The following ZFHX3 variants were observed in gnomAD, a reference collection of about 807,000 sequenced individuals.
The protein encoded by ZFHX3 is zinc finger homeobox 3, also known as zinc finger homeobox protein 3.
In ZFHX3, 42 loss-of-function variants were observed where a neutral mutation model predicts 279.1. The observed-to-expected ratio is 0.15, with a 90% CI of 0.12 to 0.19. The LOEUF (loss-of-function observed/expected upper bound fraction) is 0.19, where lower values mean the gene tolerates loss of function less well. Among genes scored for constraint, ZFHX3 ranks in the 10% least tolerant of loss-of-function variants. The pLI is 1.00. For synonymous variants in ZFHX3, 2,293 were observed against 1,957.8 expected (o/e 1.17, Z -4.52); for missense variants, 4,981 against 4,754.0 (o/e 1.05, Z -1.40).
intron 7 of ZFHX3, among the ~76,000 whole-genome samples, chr16:72,805,171 G>T (rs2036226303): frequency 6.6e-6 from 1 of 151,678 alleles, no homozygotes; most frequent in African/African-American, 2.4e-5. Flanking sequence ...TAATAGAGAT[G>T]GGGTTTCACC....
At chr16:73,708,853 G>T (rs1422346211) in intron 1 of ZFHX3, among the ~76,000 whole-genome samples, 1 of 152,166 alleles carries the variant, frequency 6.6e-6, no homozygotes, top group Non-Finnish European at 1.5e-5. Context: ...AGATGAATGG[G>T]CTCTCGGAAG....
intron 3 of ZFHX3, among the ~76,000 whole-genome samples, chr16:73,449,636 C>T (rs1003064794): frequency 2.0e-5 from 3 of 151,998 alleles, no homozygotes; most frequent in Admixed American, 6.6e-5. Flanking sequence ...TAAAATATGA[C>T]AAAATGAATG....
At chr16:73,879,574 G>A (rs566401993) in intron 1 of ZFHX3, among the ~76,000 whole-genome samples, 1 of 152,196 alleles carries the variant, frequency 6.6e-6, no homozygotes, top group Non-Finnish European at 1.5e-5. Context: ...TCCAGTTAAG[G>A]CAGGCAATAG....
chr16:73,274,803 A>T (rs1055250273), intron 4 of ZFHX3, among the ~76,000 whole-genome samples: 1 of 152,200 alleles, frequency 6.6e-6, no homozygotes, highest in Non-Finnish European at 1.5e-5. Context: ...ATGCCACAGT[A>T]ATTACCAGTA....
chr16:73,701,314 C>G (rs1334363916), intron 1 of ZFHX3, among the ~76,000 whole-genome samples: 1 of 152,146 alleles, frequency 6.6e-6, no homozygotes, highest in African/African-American at 2.4e-5. Context: ...GCAAATGTTT[C>G]TAAATGTATT....
intron 1 of ZFHX3, among the ~76,000 whole-genome samples, chr16:73,734,665 T>C (rs2053594804): frequency 6.6e-6 from 1 of 152,150 alleles, no homozygotes; most frequent in South Asian, 2.1e-4. Flanking sequence ...CAAAGATTCA[T>C]CAATTAAATG....
chr16:73,356,874 C>T (rs2016350385), intron 3 of ZFHX3, among the ~76,000 whole-genome samples: 1 of 149,988 alleles, frequency 6.7e-6, no homozygotes, highest in Non-Finnish European at 1.5e-5. Flanking sequence ...TGGGAGTACA[C>T]TAGGCCTGTG....
At chr16:73,708,772 C>T (rs1567557649) in intron 1 of ZFHX3, among the ~76,000 whole-genome samples, 1 of 152,084 alleles carries the variant, frequency 6.6e-6, no homozygotes, top group African/African-American at 2.4e-5. Context: ...GATCTAGAAG[C>T]TTATTTATCC....
At chr16:73,603,042 T>C (rs1287782469) in intron 2 of ZFHX3, among the ~76,000 whole-genome samples, 1 of 151,576 alleles carries the variant, frequency 6.6e-6, no homozygotes, top group Admixed American at 6.6e-5. Flanking sequence ...TCCCAGCACT[T>C]TGGGAGGCCG....
chr16:73,272,627 A>T (rs1414680959), intron 4 of ZFHX3, among the ~76,000 whole-genome samples: 1 of 152,224 alleles, frequency 6.6e-6, no homozygotes, highest in Non-Finnish European at 1.5e-5. Context: ...TATTCCCAAC[A>T]GTGAGGTTGG....
At chr16:73,856,949 C>A (rs1465738425) in intron 1 of ZFHX3, among the ~76,000 whole-genome samples, 1 of 152,194 alleles carries the variant, frequency 6.6e-6, no homozygotes, top group African/African-American at 2.4e-5. Flanking sequence ...GAATGTCCAA[C>A]GTGAAATGAA....
chr16:73,358,862 C>T (rs1016595225), intron 3 of ZFHX3, among the ~76,000 whole-genome samples: 1 of 152,188 alleles, frequency 6.6e-6, no homozygotes, highest in Admixed American at 6.5e-5. Flanking sequence ...ATTATGTGAC[C>T]TCTGGGATTC....
At chr16:73,315,770 A>G (rs2015431625) in intron 4 of ZFHX3, among the ~76,000 whole-genome samples, 1 of 152,224 alleles carries the variant, frequency 6.6e-6, no homozygotes, top group Non-Finnish European at 1.5e-5. Flanking sequence ...CTTTGTATGC[A>G]TCAACATACA....
intron 2 of ZFHX3, among the ~76,000 whole-genome samples, chr16:73,624,971 T>A (rs1371204466): frequency 6.6e-6 from 1 of 152,272 alleles, no homozygotes; most frequent in African/African-American, 2.4e-5. Context: ...ATGGTCCCAT[T>A]TTCATGGGCC....
intron 5 of ZFHX3, among the ~76,000 whole-genome samples, chr16:73,199,814 A>T (rs1168510157): frequency 6.6e-6 from 1 of 152,202 alleles, no homozygotes; most frequent in Non-Finnish European, 1.5e-5. Flanking sequence ...TCCAAAATGG[A>T]TGTTGTCACA....
chr16:72,845,486 G>T (rs1031813590), intron 4 of ZFHX3, among the ~76,000 whole-genome samples: 1 of 152,056 alleles, frequency 6.6e-6, no homozygotes, highest in Admixed American at 6.5e-5. Context: ...AGCCACGCCC[G>T]GCCCTGAACC....
At chr16:73,284,825 T>G (rs2014553064) in intron 4 of ZFHX3, among the ~76,000 whole-genome samples, 1 of 152,190 alleles carries the variant, frequency 6.6e-6, no homozygotes, top group Non-Finnish European at 1.5e-5. Flanking sequence ...ATATATTCTT[T>G]TTTTTCCCAG....
At chr16:73,859,739 G>T (rs905976940) in intron 1 of ZFHX3, among the ~76,000 whole-genome samples, 1 of 152,208 alleles carries the variant, frequency 6.6e-6, no homozygotes, top group African/African-American at 2.4e-5. Flanking sequence ...AAGGTGAAAA[G>T]TTGACCAAAA....
intron 4 of ZFHX3, among the ~76,000 whole-genome samples, chr16:73,312,185 C>A (rs1363117679): frequency 6.6e-6 from 1 of 152,000 alleles, no homozygotes; most frequent in Non-Finnish European, 1.5e-5. Flanking sequence ...AATTGTGTCA[C>A]GTGACAAAAG....
Sources: allele counts gnomAD v4.1 joint callset (sites outside exome capture counted in the v4.1 genomes callset), GRCh38; gene constraint gnomAD v4.1.1; transcripts MANE v1.5; gene names NCBI Gene and HGNC (gene_info 2026-07-23, HGNC 2026-07-21).